The following NCKAP5 variants were observed in gnomAD, a reference collection of about 807,000 sequenced individuals.
The protein encoded by NCKAP5 is nck-associated protein 5.
Under a neutral mutation model 167.0 loss-of-function variants are expected in NCKAP5, and 92 were observed. That is an observed-to-expected ratio of 0.55 (90% CI 0.47 to 0.66). The LOEUF (loss-of-function observed/expected upper bound fraction) is 0.66. NCKAP5 is among the 30% of genes least tolerant of loss of function. The pLI is 0.00. For missense variants in NCKAP5, 2,378 were observed against 2,315.0 expected (o/e 1.03, Z -0.56); for synonymous variants, 891 against 877.4 (o/e 1.02, Z -0.27).
intron 11 of NCKAP5, among the ~76,000 whole-genome samples, chr2:132,799,497 GA>G (rs1372517399): frequency 6.6e-6 from 1 of 152,116 alleles, no homozygotes; most frequent in Non-Finnish European, 1.5e-5. Context: ...AAGAAAGACA[GA>G]AGTGGCTATT....
At chr2:133,528,070 AAAAC>A (rs573482595) in intron 2 of NCKAP5, among the ~76,000 whole-genome samples, 22 of 152,128 alleles carry the variant, frequency 1.4e-4, no homozygotes, top group African/African-American at 4.3e-4. Context: ...CTCAAAAAAC[AAAAC>A]AAACAAACAA....
intron 16 of NCKAP5, among the ~76,000 whole-genome samples, chr2:132,747,614 G>C (rs888521987): frequency 1.8e-5 from 2 of 112,472 alleles, no homozygotes; most frequent in Non-Finnish European, 3.8e-5. Context: ...CTGCAGAGAG[G>C]GCATCTAAGG....
At chr2:132,712,463 A>G (rs1573959286) in intron 19 of NCKAP5, among the ~76,000 whole-genome samples, 2 of 152,238 alleles carry the variant, frequency 1.3e-5, no homozygotes, top group South Asian at 2.1e-4. Context: ...CATCCTGGCT[A>G]ACACAGTGAA....
At chr2:133,559,740 C>A (rs756542921) in intron 1 of NCKAP5, among the ~76,000 whole-genome samples, 1 of 152,138 alleles carries the variant, frequency 6.6e-6, no homozygotes, top group Non-Finnish European at 1.5e-5. Context: ...AGGATAAATG[C>A]CACATGGGTA....
chr2:133,356,944 A>G (rs1342269055), intron 3 of NCKAP5, among the ~76,000 whole-genome samples: 1 of 152,230 alleles, frequency 6.6e-6, no homozygotes, highest in Non-Finnish European at 1.5e-5. Context: ...GATAGCTAGA[A>G]AATGTCAAGG....
chr2:133,481,219 G>GGT (rs765290315), intron 3 of NCKAP5, among the ~76,000 whole-genome samples: 2 of 152,130 alleles, frequency 1.3e-5, no homozygotes, highest in Non-Finnish European at 2.9e-5. Context: ...ACAGTCATCT[G>GGT]GCAGTGATTC....
chr2:132,774,002 G>A (rs1682325366), intron 15 of NCKAP5, 108 bp from the exon 16 acceptor site: 1 of 857,336 alleles, frequency 1.2e-6, no homozygotes, highest in South Asian at 1.6e-5. Context: ...GGGCATAGGT[G>A]TGAGTGTTTG....
At chr2:133,236,047 C>T (rs1574462590) in intron 4 of NCKAP5, among the ~76,000 whole-genome samples, 2 of 68,548 alleles carry the variant, frequency 2.9e-5, no homozygotes, top group Admixed American at 5.2e-4. Context: ...ACTTGGGTGA[C>T]AAATCAAGAC....
At chr2:132,722,642 C>A (rs1209593775) in intron 19 of NCKAP5, among the ~76,000 whole-genome samples, 1 of 151,956 alleles carries the variant, frequency 6.6e-6, no homozygotes, top group Non-Finnish European at 1.5e-5. Flanking sequence ...CACCTACCCA[C>A]CACTTCCACT....
At chr2:133,113,395 A>G (rs771976890) in intron 6 of NCKAP5, among the ~76,000 whole-genome samples, 19 of 152,244 alleles carry the variant, frequency 1.2e-4, no homozygotes, top group Non-Finnish European at 1.0e-4. Flanking sequence ...AAGCATTTAA[A>G]AATGTCAAAC....
chr2:133,242,811 T>G (rs2087782284), intron 4 of NCKAP5, among the ~76,000 whole-genome samples: 1 of 152,218 alleles, frequency 6.6e-6, no homozygotes, highest in Admixed American at 6.5e-5. Flanking sequence ...TCTCCTCCTC[T>G]CATATCTTGC....
chr2:133,075,737 T>G (rs988294237), intron 6 of NCKAP5, among the ~76,000 whole-genome samples: 1 of 151,974 alleles, frequency 6.6e-6, no homozygotes, highest in African/African-American at 2.4e-5. Context: ...AAACAATAGA[T>G]AGGTTTTAAA....
intron 3 of NCKAP5, among the ~76,000 whole-genome samples, chr2:133,309,997 A>G (rs376195834): frequency 1.4e-4 from 22 of 152,210 alleles, no homozygotes; most frequent in African/African-American, 4.6e-4. Flanking sequence ...TGGGCAAAGC[A>G]GCACCAGCAA....
chr2:133,656,761 T>G, the NCKAP5 span, among the ~76,000 whole-genome samples: 4 of 152,154 alleles, frequency 2.6e-5, no homozygotes, highest in Non-Finnish European at 5.9e-5. Flanking sequence ...CAGAGAGGAT[T>G]TTATTTCATT....
intron 6 of NCKAP5, among the ~76,000 whole-genome samples, chr2:133,030,405 C>T (rs1367515126): frequency 6.6e-6 from 1 of 152,146 alleles, no homozygotes; most frequent in African/African-American, 2.4e-5. Flanking sequence ...CTGCTGGGCA[C>T]CATGGTGAGC....
chr2:132,806,291 G>A (rs1275679098), intron 11 of NCKAP5, among the ~76,000 whole-genome samples: 2 of 152,190 alleles, frequency 1.3e-5, no homozygotes, highest in Non-Finnish European at 2.9e-5. Context: ...TAGATACCCA[G>A]TAGTGGCATT....
intron 3 of NCKAP5, among the ~76,000 whole-genome samples, chr2:133,342,847 G>A (rs1683691480): frequency 6.6e-6 from 1 of 152,160 alleles, no homozygotes; most frequent in African/African-American, 2.4e-5. Flanking sequence ...ATTAATTAGT[G>A]CCCACACTTG....
chr2:132,745,994 A>G (rs1679607223), intron 16 of NCKAP5, among the ~76,000 whole-genome samples: 2 of 152,098 alleles, frequency 1.3e-5, no homozygotes, highest in Admixed American at 1.3e-4. Flanking sequence ...TCGGATATCA[A>G]TTCTCTTCAA....
intron 3 of NCKAP5, among the ~76,000 whole-genome samples, chr2:133,479,668 A>G (rs868425780): frequency 2.0e-5 from 3 of 152,210 alleles, no homozygotes; most frequent in South Asian, 4.1e-4. Flanking sequence ...TCACAGATCC[A>G]TTTAGTGGAG....
Sources: gnomAD v4.1 joint callset for allele counts (sites outside exome capture counted in the v4.1 genomes callset) on GRCh38, gnomAD v4.1.1 for gene constraint, MANE v1.5 for transcripts, NCBI Gene and HGNC (gene_info 2026-07-23, HGNC 2026-07-21) for gene names.